Variants in RGS13 observed in about 807,000 individuals in gnomAD.
RGS13 encodes the protein regulator of G protein signaling 13.
RGS13 carries 14 observed loss-of-function variants against 19.9 expected under a neutral mutation model. The ratio of observed to expected loss-of-function variants is 0.70; its 90% CI spans 0.46 to 1.10. The LOEUF (loss-of-function observed/expected upper bound fraction) is 1.10, where lower values mean the gene tolerates loss of function less well. RGS13 is among the 50% of genes least tolerant of loss of function. The pLI, the probability that RGS13 is intolerant of heterozygous loss-of-function variation, is 0.00. For synonymous variants in RGS13, 60 were observed against 56.8 expected (o/e 1.06, Z -0.25); for missense variants, 205 against 187.1 (o/e 1.10, Z -0.56).
chr1:192,641,297 AG>A (rs1663115667), intron 3 of RGS13, among the ~76,000 whole-genome samples: 3 of 119,626 alleles, frequency 2.5e-5, no homozygotes, highest in African/African-American at 2.6e-5. Context: ...AAAGAAAGAA[AG>A]AAAGAAAGAA....
intron 3 of RGS13, among the ~76,000 whole-genome samples, chr1:192,641,631 T>G (rs1291380819): frequency 1.3e-5 from 2 of 152,326 alleles, no homozygotes; most frequent in East Asian, 3.9e-4. Context: ...CTTTCCTTTT[T>G]GATAAACTCA....
In RGS13 at chr1:192,651,560, A is replaced by G. The variant is rs78065357; in HGVS notation, c.127+3573A>G. Among the ~76,000 whole-genome samples, 548 of 152,172 alleles carry G rather than the reference A, an allele frequency of 3.6e-3. 12 individuals carry two copies. The highest frequency in any genetic ancestry group is 0.026 in the East Asian group (137 of 5,172). ...ACTGATGACACAGAAGAGAGTGGAG[A>G]TACTTATAAGAAAAATAGAGGAATG... is the stretch of plus-strand genomic sequence containing the variant. On this transcript the variant is annotated intron_variant, in intron 5 of 6. Coordinates refer to ENST00000391995, the MANE Select transcript of RGS13 (RefSeq NM_002927.5).
chr1:192,640,630 T>C (rs1271939756), intron 3 of RGS13, among the ~76,000 whole-genome samples: 1 of 152,292 alleles, frequency 6.6e-6, no homozygotes, highest in Non-Finnish European at 1.5e-5. Flanking sequence ...TTCCATTTTC[T>C]TCCTTCCTAT....
chr1:192,658,061 GATAT>G, intron 5 of RGS13, 136 bp from the exon 6 acceptor site: 2 of 620,412 alleles, frequency 3.2e-6, no homozygotes, highest in Non-Finnish European at 5.6e-6. Flanking sequence ...CATGAAAATT[GATAT>G]ATAGAGATAG....
chr1:192,651,017 G>C (rs1263869808), intron 5 of RGS13, among the ~76,000 whole-genome samples: 1 of 152,044 alleles, frequency 6.6e-6, no homozygotes, highest in Non-Finnish European at 1.5e-5. Flanking sequence ...ACAGGGCTGT[G>C]AGACCACTGA....
intron 3 of RGS13, among the ~76,000 whole-genome samples, chr1:192,638,432 T>C (rs970972403): frequency 1.3e-5 from 2 of 152,064 alleles, no homozygotes; most frequent in African/African-American, 4.8e-5. Context: ...ATTTTTTAAT[T>C]TATCTCTTTG....
At chr1:192,651,555 T>C (rs1435411254) in intron 5 of RGS13, among the ~76,000 whole-genome samples, 1 of 151,174 alleles carries the variant, frequency 6.6e-6, no homozygotes, top group East Asian at 1.9e-4. Context: ...CAGAAGAGAG[T>C]GGAGATACTT....
Position 192,659,044 on chromosome 1 carries a change from T to C in RGS13, c.295-294T>C, listed in dbSNP as rs534779434. On this transcript the variant is annotated intron_variant, in intron 6 of 6. Coordinates refer to ENST00000391995, the MANE Select transcript of RGS13 (RefSeq NM_002927.5). ...CTTACAAACTTCCTGATTTGTAGAC[T>C]GCTACTAAGAAACCACTGCATCTTC... 3.7e-5 allele frequency: 9 copies of C among 241,064 alleles called. No individual in the cohort carries two copies. The South Asian group carries it at 1.2e-3, about 32-fold the overall frequency. 14.9% of individuals were successfully genotyped at this position (241,064 alleles called of 1,614,324 possible). A position where few individuals can be genotyped will look rare whatever the true frequency, so the allele number is the denominator to read the frequency against.
chr1:192,638,391 C>T (rs4351621), intron 3 of RGS13, among the ~76,000 whole-genome samples, 188 bp downstream of exon 3: 1 of 151,872 alleles, frequency 6.6e-6, no homozygotes, highest in African/African-American at 2.4e-5. Context: ...GGTGGTCAAT[C>T]TGACCTTTTG....
chr1:192,649,879 G>A, intron 5 of RGS13, among the ~76,000 whole-genome samples: 1 of 151,942 alleles, frequency 6.6e-6, no homozygotes, highest in Admixed American at 6.6e-5. Context: ...GCTTTTAATT[G>A]TAGCCAGTTT....
At chr1:192,643,448 G>C (rs186204000) in intron 3 of RGS13, among the ~76,000 whole-genome samples, 2 of 125,812 alleles carry the variant, frequency 1.6e-5, no homozygotes. Flanking sequence ...TCTATGATAT[G>C]TATTGTTATG....
chr1:192,642,751 TG>T (rs903376767), intron 3 of RGS13, among the ~76,000 whole-genome samples: 1 of 152,182 alleles, frequency 6.6e-6, no homozygotes, highest in Non-Finnish European at 1.5e-5. Flanking sequence ...GTTACTTAAC[TG>T]GGCTGCCTTC....
intron 5 of RGS13, 82 bp from the exon 6 acceptor site, chr1:192,658,119 A>G: frequency 3.1e-6 from 3 of 963,184 alleles, no homozygotes; most frequent in Non-Finnish European, 4.7e-6. Context: ...GTTTTTAATC[A>G]GGCTTTTTTT....
chr1:192,655,815 ATG>A (rs1663427549), intron 5 of RGS13, among the ~76,000 whole-genome samples: 1 of 152,086 alleles, frequency 6.6e-6, no homozygotes, highest in Non-Finnish European at 1.5e-5. Flanking sequence ...GATCTATAAT[ATG>A]TGTATTTATG....
At chr1:192,637,860 A>G (rs1326525338) in intron 2 of RGS13, among the ~76,000 whole-genome samples, 200 bp downstream of exon 2, 1 of 152,102 alleles carries the variant, frequency 6.6e-6, no homozygotes. Flanking sequence ...TTTAACTAAC[A>G]AAATAAATTT....
At chr1:192,648,168 T>C (rs1231104924) in intron 5 of RGS13, among the ~76,000 whole-genome samples, 181 bp downstream of exon 5, 1 of 152,202 alleles carries the variant, frequency 6.6e-6, no homozygotes, top group African/African-American at 2.4e-5. Context: ...TTATTTTCTC[T>C]GGTGTTAATT....
At chr1:192,637,962 T>C (rs1441077515) in intron 2 of RGS13, among the ~76,000 whole-genome samples, 1 of 152,060 alleles carries the variant, frequency 6.6e-6, no homozygotes, top group East Asian at 1.9e-4. Context: ...ACCAAGGATA[T>C]TTCTTAGAAG....
intron 1 of RGS13, among the ~76,000 whole-genome samples, chr1:192,637,054 A>G (rs1558047782): frequency 6.6e-6 from 1 of 151,946 alleles, no homozygotes; most frequent in African/African-American, 2.4e-5. Flanking sequence ...TAAATAATGG[A>G]GGAAACAAAT....
intron 3 of RGS13, among the ~76,000 whole-genome samples, chr1:192,638,475 T>TG (rs935379597): frequency 2.6e-5 from 4 of 151,688 alleles, no homozygotes; most frequent in African/African-American, 9.7e-5. Context: ...AGGATGGGGG[T>TG]GGGGGGTTCT....
Sources: gnomAD v4.1 joint callset for allele counts (sites outside exome capture counted in the v4.1 genomes callset) on GRCh38, gnomAD v4.1.1 for gene constraint, MANE v1.5 for transcripts, NCBI Gene and HGNC (gene_info 2026-07-23, HGNC 2026-07-21) for gene names.